The following ZRANB1 variants were observed in gnomAD, a reference collection of about 807,000 sequenced individuals.
The protein encoded by ZRANB1 is zinc finger RANBP2-type containing 1.
Under a neutral mutation model 80.5 loss-of-function variants are expected in ZRANB1, and 16 were observed. The observed-to-expected ratio is 0.20, with a 90% CI of 0.13 to 0.30. The LOEUF (loss-of-function observed/expected upper bound fraction) is 0.30, where lower values mean the gene tolerates loss of function less well. Ranked by LOEUF, ZRANB1 falls within the 10% of genes least tolerant of loss-of-function variation. The pLI is 1.00. For missense variants in ZRANB1, 576 were observed against 862.6 expected, an observed-to-expected ratio of 0.67 and a Z score of 4.16; for synonymous variants, 291 against 293.1, an observed-to-expected ratio of 0.99 and a Z score of 0.07.
the ZRANB1 span, among the ~76,000 whole-genome samples, chr10:124,932,393 G>A: frequency 6.7e-6 from 1 of 148,418 alleles, no homozygotes; most frequent in East Asian, 1.9e-4. Flanking sequence ...GGGTTCAAGT[G>A]ATTCTTGTGC....
rs1363356955 is a variant in ZRANB1 at position 124,943,363 on chromosome 10, A to T, written c.814+56A>T. ...GGGATGGGAAAAGGTAGTAAAAATG[A>T]TATGAAAAGAGCTGGGTGCGCTGAC... On this transcript the variant is annotated intron_variant, in intron 1 of 8. Coordinates refer to ENST00000359653, the MANE Select transcript of ZRANB1 (RefSeq NM_017580.3). 4 of 1,516,914 alleles carry T rather than the reference A, an allele frequency of 2.6e-6. No homozygotes were observed. The African/African-American group carries it at 5.6e-5, about 21-fold the overall frequency. The allele number at this position is 1,516,914 out of a possible 1,614,324, so 94.0% of individuals were successfully genotyped here.
the ZRANB1 span, among the ~76,000 whole-genome samples, chr10:124,936,823 C>G: frequency 6.6e-6 from 1 of 152,232 alleles, no homozygotes; most frequent in African/African-American, 2.4e-5. Context: ...TAGCTTTCGT[C>G]TTTATATCCC....
In ZRANB1 at chr10:124,986,289, G is replaced by GCACACACACACA. The variant is rs1348841236; in HGVS notation, c.*1298_*1299insACACACACACAC. On this transcript the variant is annotated 3_prime_UTR_variant, in exon 9 of 9. Transcript: ENST00000359653. ...AAAGACGACACACGCACGCGCGCGC[G>GCACACACACACA]CGCACACACACACACACACACACAC... 2.3e-4 allele frequency: 25 copies of GCACACACACACA among 108,436 alleles called. No individual in the cohort carries two copies. The highest frequency in any genetic ancestry group is 7.2e-4 in the African/African-American group (20 of 27,624). 6.7% of individuals were successfully genotyped at this position (108,436 alleles called of 1,614,324 possible).
chr10:124,937,894 A>G (rs1951502201), upstream of ZRANB1, among the ~76,000 whole-genome samples: 1 of 152,210 alleles, frequency 6.6e-6, no homozygotes, highest in Non-Finnish European at 1.5e-5. Context: ...TTGCATTTGA[A>G]CCAAGGAATA....
upstream of ZRANB1, among the ~76,000 whole-genome samples, chr10:124,941,020 C>G (rs549401539): frequency 6.7e-6 from 1 of 149,862 alleles, no homozygotes; most frequent in African/African-American, 2.5e-5. Context: ...AACAAAAAAA[C>G]AAACAAACAA....
chr10:124,940,503 AATC>A (rs1463697391), upstream of ZRANB1: 1 of 1,288,696 alleles, frequency 7.8e-7, no homozygotes, highest in Admixed American at 2.3e-5. Context: ...CTTTTATTCT[AATC>A]ATGTGCAAGG....
Position 124,986,312 on chromosome 10 carries a change from C to G in ZRANB1, c.*1320C>G, listed in dbSNP as rs547451690. 1 of 130,908 alleles carries G rather than the reference C, an allele frequency of 7.6e-6. No individual in the cohort carries two copies. Among genetic ancestry groups the G allele is most frequent in the South Asian group, 2.1e-4 (1 of 4,830 alleles). The allele number at this position is 130,908 out of a possible 1,614,324, so 8.1% of individuals were successfully genotyped here. A position where few individuals can be genotyped will look rare whatever the true frequency, so the allele number is the denominator to read the frequency against. On this transcript the variant is annotated 3_prime_UTR_variant, in exon 9 of 9. Transcript: ENST00000359653. Reference sequence around the variant, plus strand: ...GCGCGCACACACACACACACACACACACACACACACAGTTTTTTCCTTCCC... The same window carrying G: ...GCGCGCACACACACACACACACACAGACACACACACAGTTTTTTCCTTCCC...
the ZRANB1 span, among the ~76,000 whole-genome samples, chr10:124,920,039 T>A: frequency 7.0e-6 from 1 of 143,092 alleles, no homozygotes; most frequent in African/African-American, 2.6e-5. Context: ...TCTGCCTCAG[T>A]CTCTCGAGTA....
chr10:124,926,104 A>G, the ZRANB1 span, among the ~76,000 whole-genome samples: 1 of 152,244 alleles, frequency 6.6e-6, no homozygotes, highest in African/African-American at 2.4e-5. Context: ...AAGATAAAAA[A>G]TGGTACACCT....
intron 1 of ZRANB1, among the ~76,000 whole-genome samples, chr10:124,952,818 C>T (rs534119059): frequency 1.3e-5 from 2 of 152,338 alleles, no homozygotes; most frequent in East Asian, 3.9e-4. Context: ...CCATGTTGGC[C>T]AGGCTAGTCT....
the ZRANB1 span, among the ~76,000 whole-genome samples, chr10:124,919,266 C>G: frequency 6.6e-6 from 1 of 152,180 alleles, no homozygotes; most frequent in Non-Finnish European, 1.5e-5. Context: ...AGTCCACTGG[C>G]CGGGCCCGTG....
chr10:124,973,208 G>A (rs1450095280), intron 3 of ZRANB1, among the ~76,000 whole-genome samples: 2 of 152,044 alleles, frequency 1.3e-5, no homozygotes, highest in Admixed American at 6.6e-5. Context: ...GCTGGAGTGC[G>A]GTGGCAGGAT....
At chr10:124,970,860 C>T (rs1251401042) in intron 2 of ZRANB1, among the ~76,000 whole-genome samples, 18 of 72,616 alleles carry the variant, frequency 2.5e-4, no homozygotes, top group African/African-American at 7.5e-4. Flanking sequence ...TTTTTTTTGG[C>T]AGAGTCTCTC....
At chr10:124,970,833 G>GTTTTTTT (rs34391929) in intron 2 of ZRANB1, among the ~76,000 whole-genome samples, 7 of 85,394 alleles carry the variant, frequency 8.2e-5, no homozygotes, top group South Asian at 4.7e-4. Context: ...TCTCTTTGGG[G>GTTTTTTT]TTTTTTTTTT....
chr10:124,969,554 C>T (rs1189888317), intron 2 of ZRANB1, among the ~76,000 whole-genome samples: 1 of 152,006 alleles, frequency 6.6e-6, no homozygotes, highest in East Asian at 1.9e-4. Context: ...GTGTCATGGA[C>T]CATGTTGGTA....
intron 1 of ZRANB1, among the ~76,000 whole-genome samples, chr10:124,959,403 G>C (rs1312373785): frequency 6.6e-6 from 1 of 152,000 alleles, no homozygotes; most frequent in Non-Finnish European, 1.5e-5. Flanking sequence ...TGGTTAAATA[G>C]GTTAATTCCT....
chr10:124,924,232 T>C, the ZRANB1 span, among the ~76,000 whole-genome samples: 20 of 151,606 alleles, frequency 1.3e-4, no homozygotes, highest in Non-Finnish European at 2.6e-4. Context: ...TTAATTCATA[T>C]AAATAAAAAA....
At chr10:124,935,792 A>G in the ZRANB1 span, among the ~76,000 whole-genome samples, 5 of 152,164 alleles carry the variant, frequency 3.3e-5, no homozygotes, top group Non-Finnish European at 7.3e-5. Context: ...GTGCTGGTCT[A>G]CCTTCCGTGC....
At chr10:124,920,709 C>T in the ZRANB1 span, among the ~76,000 whole-genome samples, 1 of 151,928 alleles carries the variant, frequency 6.6e-6, no homozygotes, top group African/African-American at 2.4e-5. Context: ...ACTACTTTAA[C>T]CCAAGGGATC....
Sources: gnomAD v4.1 joint callset for allele counts (sites outside exome capture counted in the v4.1 genomes callset) on GRCh38, gnomAD v4.1.1 for gene constraint, MANE v1.5 for transcripts, NCBI Gene and HGNC (gene_info 2026-07-23, HGNC 2026-07-21) for gene names.